FER: variants seen among roughly 807,000 people sequenced by gnomAD.
The protein encoded by FER is FER tyrosine kinase.
FER carries 63 observed loss-of-function variants against 111.0 expected under a neutral mutation model. The observed-to-expected ratio is 0.57, with a 90% CI of 0.46 to 0.70. The LOEUF is 0.70. Among genes scored for constraint, FER ranks in the 30% least tolerant of loss-of-function variants. The pLI is 0.00. For missense variants in FER, 914 were observed against 954.0 expected, an observed-to-expected ratio of 0.96 and a Z score of 0.55; for synonymous variants, 327 against 313.9, an observed-to-expected ratio of 1.04 and a Z score of -0.44.
intron 13 of FER, among the ~76,000 whole-genome samples, chr5:108,960,853 C>T (rs977761778): frequency 1.3e-5 from 2 of 152,174 alleles, no homozygotes; most frequent in African/African-American, 4.8e-5. Flanking sequence ...GAGGGGTCTT[C>T]TTTGACATCT....
intron 13 of FER, among the ~76,000 whole-genome samples, chr5:109,033,916 A>G (rs1306691444): frequency 6.6e-6 from 1 of 152,168 alleles, no homozygotes; most frequent in East Asian, 1.9e-4. Context: ...TGATATATGT[A>G]TATATTGTGG....
chr5:108,794,558 T>G (rs1044889371), intron 2 of FER, among the ~76,000 whole-genome samples: 1 of 118,592 alleles, frequency 8.4e-6, no homozygotes, highest in Admixed American at 1.1e-4. Context: ...TAACATTTCT[T>G]ATAGGACTAG....
chr5:108,783,122 C>T (rs1186923058), intron 2 of FER, among the ~76,000 whole-genome samples: 1 of 151,998 alleles, frequency 6.6e-6, no homozygotes, highest in Non-Finnish European at 1.5e-5. Context: ...TGTTGTTGTC[C>T]CACAGGTCCG....
chr5:109,189,115 G>T lies in FER; in HGVS notation c.*1540G>T, dbSNP rs1440472359. On this transcript the variant is annotated 3_prime_UTR_variant, in exon 20 of 20. Transcript: ENST00000281092. ...AAGCAGAGTGCTGAAGATGTCTCAT[G>T]TGAATAAAATGTAACTCACTCACTC... 6.6e-6 allele frequency: 1 copy of T among 152,210 alleles called. No individual in the cohort carries two copies. The highest frequency in any genetic ancestry group is 6.5e-5 in the Admixed American group (1 of 15,272). 9.4% of individuals were successfully genotyped at this position (152,210 alleles called of 1,614,324 possible).
chr5:108,997,736 C>G (rs577513113), intron 13 of FER, among the ~76,000 whole-genome samples: 2 of 152,226 alleles, frequency 1.3e-5, no homozygotes, highest in South Asian at 4.2e-4. Flanking sequence ...CCACAGCTGC[C>G]TCTTTCCCCA....
intron 18 of FER, among the ~76,000 whole-genome samples, chr5:109,184,705 C>T (rs1276213944): frequency 6.6e-6 from 1 of 152,132 alleles, no homozygotes; most frequent in Non-Finnish European, 1.5e-5. Context: ...AATTAATCTT[C>T]CACCCAAAAA....
At chr5:108,904,911 T>G (rs1750539475) in intron 10 of FER, among the ~76,000 whole-genome samples, 1 of 152,256 alleles carries the variant, frequency 6.6e-6, no homozygotes, top group Non-Finnish European at 1.5e-5. Context: ...AACAAACCAT[T>G]ACTATTATTA....
intron 3 of FER, among the ~76,000 whole-genome samples, chr5:108,810,706 G>C (rs1242323886): frequency 1.3e-5 from 2 of 151,604 alleles, no homozygotes; most frequent in Non-Finnish European, 2.9e-5. Context: ...GCTCCCAGTG[G>C]AGATCTGCTT....
chr5:109,183,000 C>T (rs2126867798), intron 18 of FER, among the ~76,000 whole-genome samples: 1 of 152,210 alleles, frequency 6.6e-6, no homozygotes, highest in African/African-American at 2.4e-5. Context: ...AGCCATTGCG[C>T]CCAGTCTCTG....
chr5:108,842,342 G>T (rs1378303494), intron 5 of FER: 1 of 152,092 alleles, frequency 6.6e-6, no homozygotes, highest in East Asian at 1.9e-4. Flanking sequence ...ATTGGCATAG[G>T]CAAGTATTTC....
chr5:109,176,793 G>A (rs886569593), intron 17 of FER, among the ~76,000 whole-genome samples: 3 of 152,092 alleles, frequency 2.0e-5, no homozygotes, highest in Admixed American at 6.6e-5. Flanking sequence ...TAATGGAACC[G>A]TATACTCGCA....
At chr5:109,117,885 C>T (rs9764658) in intron 17 of FER, among the ~76,000 whole-genome samples, 2,485 of 151,640 alleles carry the variant, frequency 0.016, 61 homozygotes, top group African/African-American at 0.057. Flanking sequence ...CTGAAGTTGC[C>T]TATCAGCTTA....
At chr5:109,000,921 C>CT (rs1458673369) in intron 13 of FER, among the ~76,000 whole-genome samples, 87 of 152,178 alleles carry the variant, frequency 5.7e-4, no homozygotes, top group African/African-American at 2.0e-3. Flanking sequence ...GGATAAATTC[C>CT]TGGACACATA....
At chr5:109,055,506 G>C (rs1242479798) in intron 16 of FER, among the ~76,000 whole-genome samples, 1 of 152,088 alleles carries the variant, frequency 6.6e-6, no homozygotes, top group Non-Finnish European at 1.5e-5. Flanking sequence ...GGCAGAGGAG[G>C]CTGGATGCAG....
chr5:109,048,663 A>G (rs934684222), intron 16 of FER, among the ~76,000 whole-genome samples: 16 of 152,196 alleles, frequency 1.1e-4, no homozygotes, highest in Admixed American at 1.0e-3. Context: ...TAGAAAATTG[A>G]AAATATAATA....
chr5:108,845,020 A>ATG (rs1457587426), intron 5 of FER, among the ~76,000 whole-genome samples: 21 of 52,124 alleles, frequency 4.0e-4, no homozygotes, highest in East Asian at 7.3e-4. Context: ...ATATATATAT[A>ATG]TATATATATA....
At chr5:108,764,420 G>A (rs867572696) in intron 1 of FER, among the ~76,000 whole-genome samples, 30 of 151,218 alleles carry the variant, frequency 2.0e-4, no homozygotes, top group Non-Finnish European at 1.5e-4. Flanking sequence ...TTTTTGAGAC[G>A]AAGTTTCACT....
At chr5:109,143,910 T>C (rs1270476505) in intron 17 of FER, among the ~76,000 whole-genome samples, 1 of 151,488 alleles carries the variant, frequency 6.6e-6, no homozygotes, top group Non-Finnish European at 1.5e-5. Flanking sequence ...AGCACCTTTC[T>C]AGTGTTTTTC....
At chr5:108,958,359 T>C (rs1464284341) in intron 12 of FER, among the ~76,000 whole-genome samples, 2 of 151,900 alleles carry the variant, frequency 1.3e-5, no homozygotes, top group African/African-American at 2.4e-5. Flanking sequence ...TATATCTTCC[T>C]GGGTATGAGA....
Sources: allele counts gnomAD v4.1 joint callset (sites outside exome capture counted in the v4.1 genomes callset), GRCh38; gene constraint gnomAD v4.1.1; transcripts MANE v1.5; gene names NCBI Gene and HGNC (gene_info 2026-07-23, HGNC 2026-07-21).